FRK: variants seen among roughly 807,000 people sequenced by gnomAD.
The protein encoded by FRK is tyrosine-protein kinase FRK.
In FRK, 51 loss-of-function variants were observed where a neutral mutation model predicts 56.4. The observed-to-expected ratio is 0.90, with a 90% CI of 0.72 to 1.14. FRK has a LOEUF of 1.14. Ranked by LOEUF, FRK falls within the 50% of genes most tolerant of loss-of-function variation. The pLI is 0.00. For synonymous variants in FRK, 245 were observed against 217.9 expected (o/e 1.12, Z -1.10); for missense variants, 570 against 601.4 (o/e 0.95, Z 0.55).
upstream of FRK, among the ~76,000 whole-genome samples, chr6:116,065,587 G>T (rs754347166): frequency 6.6e-6 from 1 of 152,092 alleles, no homozygotes; most frequent in East Asian, 1.9e-4. Context: ...ATGGGTTCTT[G>T]TCTATCTTTT....
intron 1 of FRK, among the ~76,000 whole-genome samples, chr6:116,057,982 A>G (rs1016522463): frequency 3.3e-5 from 5 of 152,228 alleles, no homozygotes; most frequent in African/African-American, 9.6e-5. Context: ...ACATACGAAC[A>G]TAAGAGCTCC....
chr6:115,944,434 T>G lies in FRK; in HGVS notation c.959-9A>C, dbSNP rs1772339680. The stretch of plus-strand genomic sequence containing the variant: ...TTTTGATCCAGTGTCATCTAAGTAA[T>G]AAGAGAAAAGTAAGAAAGTTACCTT... On this transcript the variant is annotated splice_polypyrimidine_tract_variant and intron_variant, in intron 5 of 7. Transcript: ENST00000606080. The G allele has an allele frequency of 4.4e-6, 7 of 1,583,648 alleles. No homozygotes were observed. The highest frequency in any genetic ancestry group is 6.0e-6 in the Non-Finnish European group (7 of 1,169,906).
At chr6:115,979,480 A>G (rs1305347737) in intron 2 of FRK, among the ~76,000 whole-genome samples, 3 of 152,184 alleles carry the variant, frequency 2.0e-5, no homozygotes, top group Non-Finnish European at 4.4e-5. Context: ...TAAAAAATGT[A>G]TAATGTAAAA....
At chr6:116,096,145 G>T in the FRK span, among the ~76,000 whole-genome samples, 1 of 152,224 alleles carries the variant, frequency 6.6e-6, no homozygotes, top group African/African-American at 2.4e-5. Context: ...AACTTCTACC[G>T]AGGACCCGTG....
intron 1 of FRK, among the ~76,000 whole-genome samples, chr6:116,006,644 A>T (rs2114702174): frequency 6.6e-6 from 1 of 152,322 alleles, no homozygotes; most frequent in South Asian, 2.1e-4. Flanking sequence ...TTGTAGATAT[A>T]AAATGAAATA....
upstream of FRK, among the ~76,000 whole-genome samples, chr6:116,060,930 GATCT>G (rs1423677247): frequency 6.6e-6 from 1 of 152,162 alleles, no homozygotes; most frequent in Non-Finnish European, 1.5e-5. Flanking sequence ...TTCTGTCTGT[GATCT>G]AAATGGTATT....
intron 1 of FRK, among the ~76,000 whole-genome samples, chr6:116,021,305 C>T (rs1775865679): frequency 6.6e-6 from 1 of 151,874 alleles, no homozygotes; most frequent in East Asian, 1.9e-4. Context: ...GCACGCCATA[C>T]ATCATTTTGA....
chr6:115,968,644 C>G lies in FRK; in HGVS notation c.562G>C (p.Glu188Gln). 1 of 1,613,818 alleles carries G rather than the reference C, an allele frequency of 6.2e-7. No individual in the cohort carries two copies. Among genetic ancestry groups the G allele is most frequent in the Non-Finnish European group, 8.5e-7 (1 of 1,179,828 alleles). ...TRRRIFSTLNEFVSHYTKTSD... is the reference protein window; with the variant it reads ...TRRRIFSTLNQFVSHYTKTSD... ...GTCTTGGTGTAGTGGCTCACAAATT[C>G]GTTCAGTGTTGAAAAGATTCTTCTT... Residue 188 changes from glutamate (E) to glutamine (Q), a missense_variant, in exon 3 of 8, where the codon GAA becomes CAA. By Grantham distance (29) the Glu-to-Gln change is conservative. Coordinates refer to ENST00000606080, the MANE Select transcript of FRK (RefSeq NM_002031.3).
intron 4 of FRK, among the ~76,000 whole-genome samples, chr6:115,959,701 A>G (rs754335981): frequency 5.9e-5 from 9 of 152,198 alleles, no homozygotes; most frequent in Non-Finnish European, 1.3e-4. Flanking sequence ...AACTTGCTGC[A>G]TATACTTTAC....
the FRK span, among the ~76,000 whole-genome samples, chr6:116,091,536 C>T: frequency 6.6e-6 from 1 of 152,176 alleles, no homozygotes; most frequent in African/African-American, 2.4e-5. Context: ...ACCAAGAACC[C>T]ACCGGAAGGA....
intron 1 of FRK, among the ~76,000 whole-genome samples, chr6:116,043,021 C>A (rs749159413): frequency 6.6e-6 from 1 of 152,062 alleles, no homozygotes; most frequent in Non-Finnish European, 1.5e-5. Context: ...GGGATCAATG[C>A]AACAAGAAAA....
chr6:115,950,611 G>A (rs774182607), intron 5 of FRK, among the ~76,000 whole-genome samples: 36 of 152,266 alleles, frequency 2.4e-4, no homozygotes, highest in Non-Finnish European at 4.1e-4. Flanking sequence ...ACAGTGTGGC[G>A]ATTCCTCAAG....
chr6:116,041,465 G>A (rs886288930), intron 1 of FRK, among the ~76,000 whole-genome samples: 3 of 152,150 alleles, frequency 2.0e-5, no homozygotes, highest in African/African-American at 4.8e-5. Flanking sequence ...GCGCAAGATG[G>A]CTGAATAGGA....
At chr6:115,968,924 G>T (rs1773697255) in intron 2 of FRK, among the ~76,000 whole-genome samples, 185 bp from the exon 3 acceptor site, 1 of 152,112 alleles carries the variant, frequency 6.6e-6, no homozygotes, top group Non-Finnish European at 1.5e-5. Flanking sequence ...GAGAGTGTGA[G>T]AACTGGGAAA....
rs757996449 is a variant in FRK, at chr6:115,968,746, C to G, written c.467-7G>C. ...ACAACTGCTCCATCTAAAACTGGAA[C>G]CCAAAATAATTCCTGTTAATAAACT... On this transcript the variant is annotated splice_region_variant and splice_polypyrimidine_tract_variant and intron_variant, in intron 2 of 7. Transcript: ENST00000606080. 6.2e-7 allele frequency: 1 copy of G among 1,607,722 alleles called. No homozygotes were observed. The highest frequency in any genetic ancestry group is 1.1e-5 in the South Asian group (1 of 89,578).
At position 116,050,819 on chromosome 6, in the gene FRK, A is replaced by G. The variant is rs543401470; in HGVS notation, c.344+9149T>C. 1.7e-4 allele frequency among the ~76,000 whole-genome samples: 26 copies of G among 152,348 alleles called. No individual in the cohort carries two copies. The East Asian group carries it at 1.9e-3, about 11-fold the overall frequency. On this transcript the variant is annotated intron_variant, in intron 1 of 7. Transcript: ENST00000606080. ...AATCTCATAGAAACTATTTTCTTCA[A>G]TGACCAGAAATGGTGAAAAGACATT...
intron 2 of FRK, among the ~76,000 whole-genome samples, chr6:115,998,213 T>C (rs951116148): frequency 6.6e-6 from 1 of 152,190 alleles, no homozygotes; most frequent in East Asian, 1.9e-4. Context: ...CAGCAACTAG[T>C]GATTCCACCG....
At chr6:116,005,004 A>G (rs1053923346) in intron 1 of FRK, among the ~76,000 whole-genome samples, 3 of 152,174 alleles carry the variant, frequency 2.0e-5, no homozygotes, top group Non-Finnish European at 2.9e-5. Flanking sequence ...GAGAAAAAAA[A>G]AAATGTGTGC....
chr6:115,971,767 C>T (rs1582664784), intron 2 of FRK, among the ~76,000 whole-genome samples: 1 of 152,320 alleles, frequency 6.6e-6, no homozygotes, highest in East Asian at 1.9e-4. Context: ...ATCTTCTCTC[C>T]TTCCCCAGCT....
Sources: gnomAD v4.1 joint callset for allele counts (sites outside exome capture counted in the v4.1 genomes callset) on GRCh38, gnomAD v4.1.1 for gene constraint, MANE v1.5 for transcripts, NCBI Gene and HGNC (gene_info 2026-07-23, HGNC 2026-07-21) for gene names.